DPP6: variants seen among roughly 807,000 people sequenced by gnomAD.
The protein encoded by DPP6 is A-type potassium channel modulatory protein DPP6.
In DPP6, 69 loss-of-function variants were observed where a neutral mutation model predicts 122.6. The observed-to-expected ratio is 0.56, with a 90% CI of 0.46 to 0.69. DPP6 has a LOEUF of 0.69. DPP6 is among the 30% of genes least tolerant of loss of function. The pLI, the probability that DPP6 is intolerant of heterozygous loss-of-function variation, is 0.00. For missense variants in DPP6, 928 were observed against 1,116.9 expected (o/e 0.83, Z 2.41); for synonymous variants, 418 against 433.1 (o/e 0.97, Z 0.43).
In DPP6 at chr7:153,940,201, C is replaced by T. The variant is rs149961247; in HGVS notation, c.51+52467C>T. On this transcript the variant is annotated intron_variant, in intron 1 of 25. Transcript: ENST00000404039. Reference sequence around the variant, plus strand: ...AGAGGGAAAACTCATTTTGTCAGTCCACCGAAAAGCTGGTGCTGACCTAGC... The same window carrying T: ...AGAGGGAAAACTCATTTTGTCAGTCTACCGAAAAGCTGGTGCTGACCTAGC... Among the ~76,000 whole-genome samples, 632 of 152,250 alleles carry T rather than the reference C, an allele frequency of 4.2e-3. 6 individuals are homozygous for T. Among genetic ancestry groups the T allele is most frequent in the African/African-American group, 0.015 (607 of 41,530 alleles).
intron 5 of DPP6, among the ~76,000 whole-genome samples, chr7:154,582,591 T>A (rs1832147259): frequency 6.6e-6 from 1 of 152,208 alleles, no homozygotes; most frequent in Non-Finnish European, 1.5e-5. Context: ...ATGTCAAGGT[T>A]TCCTGGCTTC....
Position 154,803,866 on chromosome 7 carries a change from C to T in DPP6, c.1410C>T (p.Pro470=), listed in dbSNP as rs751320398. The change falls in exon 14 of 26, where the codon CCC becomes CCT. Residue 470 remains proline, a splice_region_variant and synonymous_variant. Transcript: ENST00000377770. The stretch of plus-strand genomic sequence containing the variant: ...GATGCCATGTCTGTGTGTTTCAGCC[C>T]AACAGCAGCAACGACAACATCCAGT... ...FYHITVSSSQ[P]NSSNDNIQSI... The T allele has an allele frequency of 5.6e-6, 9 of 1,613,424 alleles. No homozygotes were observed. Among genetic ancestry groups the T allele is most frequent in the Middle Eastern group, 1.6e-4 (1 of 6,082 alleles).
intron 1 of DPP6, among the ~76,000 whole-genome samples, chr7:154,321,277 T>TAA (rs557107236): frequency 1.8e-4 from 26 of 140,634 alleles, no homozygotes; most frequent in East Asian, 8.4e-4. Flanking sequence ...ACCCTGTCTT[T>TAA]AAAAAAAAAA....
At chr7:153,838,667 C>T in the DPP6 span, among the ~76,000 whole-genome samples, 1 of 152,176 alleles carries the variant, frequency 6.6e-6, no homozygotes, top group Non-Finnish European at 1.5e-5. Context: ...TATTTTATGT[C>T]ACCTCATTCC....
intron 1 of DPP6, among the ~76,000 whole-genome samples, chr7:154,239,400 C>T (rs10270071): frequency 0.048 from 7,363 of 152,138 alleles, 594 homozygotes; most frequent in African/African-American, 0.17. Flanking sequence ...CAAGACCAGC[C>T]CTTCCTCTTC....
intron 1 of DPP6, among the ~76,000 whole-genome samples, chr7:154,295,026 G>A (rs1298991627): frequency 3.9e-5 from 6 of 152,224 alleles, no homozygotes; most frequent in Non-Finnish European, 8.8e-5. Flanking sequence ...CCAACCTGTG[G>A]GCAGACCTGC....
chr7:154,595,983 C>T (rs914145769), intron 5 of DPP6, among the ~76,000 whole-genome samples: 1 of 152,212 alleles, frequency 6.6e-6, no homozygotes, highest in Non-Finnish European at 1.5e-5. Context: ...ATCGCTTGAA[C>T]CCAGGAGGCA....
At chr7:153,815,868 T>C in the DPP6 span, among the ~76,000 whole-genome samples, 10 of 152,300 alleles carry the variant, frequency 6.6e-5, no homozygotes, top group African/African-American at 2.4e-4. Flanking sequence ...TATGATGAGA[T>C]AGTTACAGAA....
At chr7:154,250,952 G>A (rs1436621623) in intron 1 of DPP6, among the ~76,000 whole-genome samples, 5 of 152,148 alleles carry the variant, frequency 3.3e-5, no homozygotes, top group South Asian at 4.1e-4. Flanking sequence ...CAAAAGGGGC[G>A]TCCCTAGTCC....
At chr7:154,585,684 A>G (rs1487449051) in intron 5 of DPP6, among the ~76,000 whole-genome samples, 5 of 152,248 alleles carry the variant, frequency 3.3e-5, no homozygotes, top group Non-Finnish European at 5.9e-5. Context: ...TGTAAATGCT[A>G]TGTAAAAAGT....
intron 9 of DPP6, 23 bp from the exon 10 acceptor site, chr7:154,772,820 GTC>G: frequency 6.2e-7 from 1 of 1,605,492 alleles, no homozygotes; most frequent in East Asian, 2.2e-5. Flanking sequence ...GCTTGTTCAT[GTC>G]TCTGCCCCTT....
At chr7:154,174,446 G>A (rs1797692898) in intron 1 of DPP6, among the ~76,000 whole-genome samples, 1 of 152,182 alleles carries the variant, frequency 6.6e-6, no homozygotes, top group Admixed American at 6.5e-5. Context: ...CCAGTGCACG[G>A]CACATTTTTA....
rs773227930 is a variant in DPP6, at chr7:154,298,268, C to CCA, written c.244-147935_244-147934dup. Among the ~76,000 whole-genome samples the CCA allele has an allele frequency of 7.8e-4, 118 of 150,450 alleles. 2 individuals are homozygous for CCA. The Middle Eastern group carries it at 0.01, about 13-fold the overall frequency. ...TCCTTAAAAATCTGTCTCTCTCTCT[C>CCA]CACACACACACATACACACACTATT... On this transcript the variant is annotated intron_variant, in intron 1 of 25. Transcript: ENST00000377770.
intron 7 of DPP6, among the ~76,000 whole-genome samples, chr7:154,699,179 C>T (rs1207753267): frequency 6.6e-6 from 1 of 152,182 alleles, no homozygotes; most frequent in Non-Finnish European, 1.5e-5. Flanking sequence ...TAGCCAGGAA[C>T]ATCTGAATGA....
At chr7:154,852,490 TG>T (rs1802485529) in intron 16 of DPP6, among the ~76,000 whole-genome samples, 1 of 148,846 alleles carries the variant, frequency 6.7e-6, no homozygotes, top group Non-Finnish European at 1.5e-5. Context: ...CTGCCTCTCC[TG>T]CCTCTCCTGC....
intron 17 of DPP6, among the ~76,000 whole-genome samples, chr7:154,859,572 C>G (rs1803161402): frequency 6.6e-6 from 1 of 152,250 alleles, no homozygotes; most frequent in African/African-American, 2.4e-5. Flanking sequence ...CCCAAAACCA[C>G]CCTGGGAATA....
At chr7:154,637,016 C>T (rs56178327) in intron 5 of DPP6, among the ~76,000 whole-genome samples, 18,057 of 152,156 alleles carry the variant, frequency 0.12, 1,117 homozygotes, top group African/African-American at 0.16. Context: ...CCACATATTC[C>T]GTATGTTCGA....
At chr7:153,988,574 G>A (rs1796963238) in intron 1 of DPP6, among the ~76,000 whole-genome samples, 1 of 152,192 alleles carries the variant, frequency 6.6e-6, no homozygotes, top group Non-Finnish European at 1.5e-5. Context: ...GAAGGAGGCC[G>A]TTCCCAGCCC....
At chr7:153,993,586 C>A (rs1585146154) in intron 1 of DPP6, among the ~76,000 whole-genome samples, 1 of 152,340 alleles carries the variant, frequency 6.6e-6, no homozygotes, top group East Asian at 1.9e-4. Flanking sequence ...GTGTGCATTT[C>A]TCCCCACCCT....
Sources: allele counts gnomAD v4.1 joint callset (sites outside exome capture counted in the v4.1 genomes callset), GRCh38; gene constraint gnomAD v4.1.1; transcripts MANE v1.5; gene names NCBI Gene and HGNC (gene_info 2026-07-23, HGNC 2026-07-21).